The following NLRP5 variants were observed in gnomAD, a reference collection of about 807,000 sequenced individuals.
NLRP5 encodes the protein NACHT, LRR and PYD domains-containing protein 5.
A neutral mutation model predicts 113.1 loss-of-function variants in NLRP5; 93 were observed. The ratio of observed to expected loss-of-function variants is 0.82; its 90% CI spans 0.70 to 0.98. The LOEUF (loss-of-function observed/expected upper bound fraction) is 0.98. NLRP5 is among the 50% of genes least tolerant of loss of function. NLRP5 has a pLI of 0.00. For synonymous variants in NLRP5, 751 were observed against 600.7 expected (o/e 1.25, Z -3.66); for missense variants, 1,808 against 1,514.3 (o/e 1.19, Z -3.22).
chr19:56,040,895 G>A, intron 10 of NLRP5, 27 bp from the exon 11 acceptor site: 1 of 1,604,560 alleles, frequency 6.2e-7, no homozygotes. Context: ...ATCTCATCAT[G>A]TCCTCTCTGG....
intron 6 of NLRP5, 46 bp downstream of exon 6, chr19:56,020,477 T>C (rs756513025): frequency 5.1e-6 from 8 of 1,584,068 alleles, no homozygotes; most frequent in Admixed American, 1.7e-5. Context: ...TGGAAGAAAG[T>C]TGGGTGAAAG....
chr19:56,036,629 G>A (rs1983328223), intron 9 of NLRP5, among the ~76,000 whole-genome samples: 1 of 152,182 alleles, frequency 6.6e-6, no homozygotes, highest in Admixed American at 6.5e-5. Flanking sequence ...GCAGGAGCAT[G>A]TATAGGCTTG....
At chr19:55,999,961 A>G (rs563908043) in intron 1 of NLRP5, among the ~76,000 whole-genome samples, 8 of 152,254 alleles carry the variant, frequency 5.3e-5, no homozygotes, top group East Asian at 1.9e-4. Flanking sequence ...GAAAAAGCCT[A>G]TTACTTCTCC....
chr19:56,004,130 G>A (rs758932267), intron 2 of NLRP5, 35 bp downstream of exon 2: 5 of 1,557,008 alleles, frequency 3.2e-6, no homozygotes, highest in Non-Finnish European at 4.3e-6. Flanking sequence ...AGGGCAGGGA[G>A]GGGAGGTGAT....
chr19:56,016,240 G>A (rs557076349), intron 4 of NLRP5, among the ~76,000 whole-genome samples: 1 of 151,876 alleles, frequency 6.6e-6, no homozygotes, highest in Non-Finnish European at 1.5e-5. Context: ...TGCCAGCTCC[G>A]CCTCCCGGGT....
chr19:56,036,057 T>TC (rs1983299613), intron 9 of NLRP5, among the ~76,000 whole-genome samples: 2 of 137,334 alleles, frequency 1.5e-5, no homozygotes, highest in South Asian at 4.9e-4. Context: ...GAATTGAGAT[T>TC]CTTTTTTTTT....
At chr19:55,994,402 G>T in the NLRP5 span, among the ~76,000 whole-genome samples, 2 of 151,888 alleles carry the variant, frequency 1.3e-5, no homozygotes, top group Non-Finnish European at 2.9e-5. Context: ...ATTCTGCGGG[G>T]TTTTTTTGGG....
At chr19:55,990,090 T>C in the NLRP5 span, among the ~76,000 whole-genome samples, 14 of 66,540 alleles carry the variant, frequency 2.1e-4, no homozygotes, top group East Asian at 5.6e-4. Flanking sequence ...TTTTTTTTTT[T>C]TTTTTTTTTT....
At chr19:56,040,731 T>G (rs993754961) in intron 10 of NLRP5, among the ~76,000 whole-genome samples, 191 bp from the exon 11 acceptor site, 15 of 151,796 alleles carry the variant, frequency 9.9e-5, no homozygotes, top group Non-Finnish European at 2.1e-4. Context: ...ATACTTAGAG[T>G]ATTCTTTTGG....
intron 4 of NLRP5, among the ~76,000 whole-genome samples, chr19:56,017,138 T>C (rs940455255): frequency 4.6e-5 from 7 of 152,166 alleles, no homozygotes; most frequent in African/African-American, 1.7e-4. Context: ...AGGCTGTTAG[T>C]TGTGACCCTC....
chr19:55,987,882 A>G, the NLRP5 span: 1 of 1,614,068 alleles, frequency 6.2e-7, no homozygotes, highest in Non-Finnish European at 8.5e-7. Context: ...TTCACGGGAA[A>G]AAGTGACTGC....
chr19:56,038,384 C>T (rs1983398374), intron 10 of NLRP5, among the ~76,000 whole-genome samples, 189 bp downstream of exon 10: 1 of 152,184 alleles, frequency 6.6e-6, no homozygotes, highest in African/African-American at 2.4e-5. Flanking sequence ...TCTGTTCTTG[C>T]TCCCAAACTC....
chr19:55,998,688 A>ATATATGTGTGTGTGTG (rs1981440088), upstream of NLRP5, among the ~76,000 whole-genome samples: 2 of 50,290 alleles, frequency 4.0e-5, no homozygotes, highest in African/African-American at 2.0e-4. Context: ...ATATATATAT[A>ATATATGTGTGTGTGTG]TATATATATA....
intron 1 of NLRP5, among the ~76,000 whole-genome samples, chr19:56,003,271 C>T (rs1981726069): frequency 6.6e-6 from 1 of 152,210 alleles, no homozygotes; most frequent in South Asian, 2.1e-4. Context: ...CCTGCCTCAG[C>T]CTCCTGAGTA....
chr19:56,027,061 C>T lies in NLRP5; in HGVS notation c.828C>T (p.Gly276=). The T allele has an allele frequency of 6.4e-7, 1 of 1,555,572 alleles. No individual in the cohort carries two copies. Reference sequence around the variant, plus strand: ...GTGCTTTTGATTCAGACCGGTGGGGCTTCCGGCCTCGCACGGTGGTTCTGC... The same window carrying T: ...GTGCTTTTGATTCAGACCGGTGGGGTTTCCGGCCTCGCACGGTGGTTCTGC... Residue 276 remains glycine (G), a synonymous_variant, in exon 7 of 15, where the codon GGC becomes GGT. Transcript: ENST00000390649.
At chr19:56,040,324 G>C (rs969256049) in intron 10 of NLRP5, among the ~76,000 whole-genome samples, 8 of 152,210 alleles carry the variant, frequency 5.3e-5, no homozygotes, top group Non-Finnish European at 1.0e-4. Context: ...GGGAGGCTGA[G>C]GCAGGCAGAT....
chr19:56,022,730 G>C (rs932831981), intron 6 of NLRP5, among the ~76,000 whole-genome samples: 10 of 152,034 alleles, frequency 6.6e-5, no homozygotes, highest in Non-Finnish European at 1.3e-4. Flanking sequence ...GAGGTTTTTT[G>C]TTTTTTGTTT....
chr19:55,986,822 G>A, the NLRP5 span, among the ~76,000 whole-genome samples: 8 of 152,136 alleles, frequency 5.3e-5, no homozygotes, highest in African/African-American at 1.9e-4. Context: ...TGTGAAGCTG[G>A]TGAGTATTCC....
intron 10 of NLRP5, among the ~76,000 whole-genome samples, chr19:56,040,412 AC>A (rs1201176022): frequency 6.6e-6 from 1 of 152,094 alleles, no homozygotes; most frequent in African/African-American, 2.4e-5. Context: ...TACCATAAAT[AC>A]AAAAATTAGT....
Sources: allele counts gnomAD v4.1 joint callset (sites outside exome capture counted in the v4.1 genomes callset), GRCh38; gene constraint gnomAD v4.1.1; transcripts MANE v1.5; gene names NCBI Gene and HGNC (gene_info 2026-07-23, HGNC 2026-07-21).